RANBP2: variants seen among roughly 807,000 people sequenced by gnomAD.
The protein encoded by RANBP2 is E3 SUMO-protein ligase RanBP2.
Under a neutral mutation model 303.6 loss-of-function variants are expected in RANBP2, and 57 were observed. The observed-to-expected ratio is 0.19, with a 90% CI of 0.15 to 0.23. The LOEUF is 0.23. Among genes scored for constraint, RANBP2 ranks in the 10% least tolerant of loss-of-function variants. The probability of loss-of-function intolerance (pLI) is 1.00; values close to 1 mark genes in which losing one functional copy is unlikely to be tolerated. For missense variants in RANBP2, 3,138 were observed against 3,780.8 expected (o/e 0.83, Z 4.46); for synonymous variants, 1,167 against 1,301.5 (o/e 0.90, Z 2.23).
the RANBP2 span, among the ~76,000 whole-genome samples, chr2:109,045,686 C>T: frequency 6.6e-6 from 1 of 152,152 alleles, no homozygotes; most frequent in Non-Finnish European, 1.5e-5. Context: ...AGTGCTGCCA[C>T]TTCCCGGGAC....
chr2:109,315,056 C>G, the RANBP2 span, among the ~76,000 whole-genome samples: 10 of 152,336 alleles, frequency 6.6e-5, no homozygotes, highest in African/African-American at 2.4e-4. Flanking sequence ...TTGAAGAGCC[C>G]ATACACGACA....
At chr2:109,101,816 A>G in the RANBP2 span, among the ~76,000 whole-genome samples, 2 of 152,166 alleles carry the variant, frequency 1.3e-5, no homozygotes, top group African/African-American at 4.8e-5. Context: ...CCTCAAATTC[A>G]GGGAAACACT....
chr2:109,365,245 T>G, the RANBP2 span, among the ~76,000 whole-genome samples: 1 of 152,300 alleles, frequency 6.6e-6, no homozygotes, highest in South Asian at 2.1e-4. Flanking sequence ...GTGGAGCTGC[T>G]CCTTGAGGCA....
the RANBP2 span, among the ~76,000 whole-genome samples, chr2:109,066,330 A>C: frequency 3.2e-4 from 48 of 151,824 alleles, no homozygotes; most frequent in African/African-American, 9.9e-4. Flanking sequence ...GCTGGTCTTG[A>C]ACTCCTGACC....
the RANBP2 span, among the ~76,000 whole-genome samples, chr2:109,035,583 C>A: frequency 6.6e-6 from 1 of 152,064 alleles, no homozygotes; most frequent in South Asian, 2.1e-4. Flanking sequence ...CCTGGTCCCC[C>A]CTGGTCAAAG....
At chr2:109,591,831 T>C in the RANBP2 span, among the ~76,000 whole-genome samples, 1 of 151,692 alleles carries the variant, frequency 6.6e-6, no homozygotes, top group South Asian at 2.1e-4. Flanking sequence ...CTGGGAGGTG[T>C]AGGTTGAGTG....
At chr2:108,876,144 A>C in the RANBP2 span, 1 of 1,610,542 alleles carries the variant, frequency 6.2e-7, no homozygotes, top group South Asian at 1.1e-5. Context: ...CAAGAAATAC[A>C]AAGGACAACA....
the RANBP2 span, chr2:108,910,519 C>T: frequency 4.3e-6 from 7 of 1,613,542 alleles, no homozygotes; most frequent in Admixed American, 1.7e-5. Context: ...TCTCGGAGAA[C>T]ATCACCACGT....
downstream of RANBP2, chr2:108,786,816 G>C: frequency 6.3e-7 from 1 of 1,586,038 alleles, no homozygotes; most frequent in Non-Finnish European, 8.6e-7. Context: ...TACGGTTGCT[G>C]TGTGCTATGG....
the RANBP2 span, among the ~76,000 whole-genome samples, chr2:109,581,164 G>A: frequency 2.0e-5 from 3 of 152,216 alleles, no homozygotes; most frequent in Non-Finnish European, 2.9e-5. Flanking sequence ...GTTAGGCCGG[G>A]AGAGGTGGCT....
the RANBP2 span, among the ~76,000 whole-genome samples, chr2:109,062,807 G>A: frequency 6.6e-6 from 1 of 151,914 alleles, no homozygotes; most frequent in Non-Finnish European, 1.5e-5. Context: ...ATGGGGTGGG[G>A]GTGCTGGGAT....
chr2:109,680,207 G>A, the RANBP2 span, among the ~76,000 whole-genome samples: 1 of 141,662 alleles, frequency 7.1e-6, no homozygotes, highest in African/African-American at 2.7e-5. Flanking sequence ...AAAAAAATTA[G>A]CCGGGCATGG....
the RANBP2 span, among the ~76,000 whole-genome samples, chr2:109,664,423 G>C: frequency 7.9e-5 from 12 of 151,550 alleles, no homozygotes; most frequent in African/African-American, 2.9e-4. Flanking sequence ...GGCCAACATA[G>C]TGAAACCCCA....
chr2:109,480,555 C>G, the RANBP2 span, among the ~76,000 whole-genome samples: 1 of 152,186 alleles, frequency 6.6e-6, no homozygotes, highest in Admixed American at 6.5e-5. Flanking sequence ...GCAGCCAACA[C>G]TTGTCACTCA....
At chr2:108,836,664 C>G in the RANBP2 span, among the ~76,000 whole-genome samples, 6 of 152,118 alleles carry the variant, frequency 3.9e-5, no homozygotes, top group African/African-American at 1.4e-4. Flanking sequence ...GCATGGACAC[C>G]TTGATAATAC....
At chr2:108,743,620 A>G (rs539408201) in intron 7 of RANBP2, among the ~76,000 whole-genome samples, 13 of 152,202 alleles carry the variant, frequency 8.5e-5, no homozygotes, top group Non-Finnish European at 1.6e-4. Context: ...CTCTTAATCC[A>G]TTCACTCAGG....
chr2:109,119,350 A>T, the RANBP2 span, among the ~76,000 whole-genome samples: 1 of 152,178 alleles, frequency 6.6e-6, no homozygotes, highest in Admixed American at 6.5e-5. Flanking sequence ...TGGTTATTCT[A>T]CTTTAGCTCT....
chr2:109,370,885 C>G, the RANBP2 span, among the ~76,000 whole-genome samples: 3 of 152,200 alleles, frequency 2.0e-5, no homozygotes, highest in Non-Finnish European at 4.4e-5. Flanking sequence ...GCCCATGACT[C>G]TAAATAAATG....
the RANBP2 span, among the ~76,000 whole-genome samples, chr2:108,852,046 T>A: frequency 6.6e-6 from 1 of 152,140 alleles, no homozygotes; most frequent in Non-Finnish European, 1.5e-5. Context: ...CTTCCTGAGA[T>A]AACCAAAGAA....
Sources: allele counts gnomAD v4.1 joint callset (sites outside exome capture counted in the v4.1 genomes callset), GRCh38; gene constraint gnomAD v4.1.1; transcripts MANE v1.5; gene names NCBI Gene and HGNC (gene_info 2026-07-23, HGNC 2026-07-21).